Variants in NFX1 observed in about 807,000 individuals in gnomAD.
NFX1 encodes nuclear transcription factor, X-box binding 1.
NFX1 carries 69 observed loss-of-function variants against 137.2 expected under a neutral mutation model. That is an observed-to-expected ratio of 0.50 (90% confidence interval 0.41 to 0.61). The LOEUF (loss-of-function observed/expected upper bound fraction) is 0.61, where lower values mean the gene tolerates loss of function less well. Ranked by LOEUF, NFX1 falls within the 20% of genes least tolerant of loss-of-function variation. The pLI is 0.00. For synonymous variants in NFX1, 495 were observed against 474.1 expected (o/e 1.04, Z -0.57); for missense variants, 1,167 against 1,391.0 (o/e 0.84, Z 2.56).
Position 33,370,559 on chromosome 9 carries a change from T to C in NFX1, c.*581T>C, listed in dbSNP as rs1824297202. ...AAAACCTCTCATAGGTATATCTAGC[T>C]GAACTTATTTTGGCATTTTCAATGT... is the stretch of plus-strand genomic sequence containing the variant. On this transcript the variant is annotated 3_prime_UTR_variant, in exon 24 of 24. Coordinates refer to ENST00000379540, the MANE Select transcript of NFX1 (RefSeq NM_002504.6). The C allele has an allele frequency of 6.6e-6, 1 of 152,462 alleles. No homozygotes were observed. The highest frequency in any genetic ancestry group is 2.1e-4 in the South Asian group (1 of 4,844). 9.4% of individuals were successfully genotyped at this position (152,462 alleles called of 1,614,324 possible). A position where few individuals can be genotyped will look rare whatever the true frequency, so the allele number is the denominator to read the frequency against.
chr9:33,343,995 TTG>T (rs915898131), intron 13 of NFX1, 72 bp from the exon 14 acceptor site: 29 of 1,588,860 alleles, frequency 1.8e-5, no homozygotes, highest in Non-Finnish European at 2.4e-5. Flanking sequence ...ATGTGTGTGT[TTG>T]TGTGTGTTAG....
intron 3 of NFX1, among the ~76,000 whole-genome samples, chr9:33,302,461 A>C (rs1173497071): frequency 6.6e-6 from 1 of 150,750 alleles, no homozygotes; most frequent in African/African-American, 2.4e-5. Context: ...TCCTGGACTC[A>C]AATGATCCTC....
chr9:33,363,757 T>C (rs750356191), intron 19 of NFX1, among the ~76,000 whole-genome samples: 1 of 152,282 alleles, frequency 6.6e-6, no homozygotes, highest in Non-Finnish European at 1.5e-5. Context: ...CAAACTCCTC[T>C]TCCCCAAATA....
At position 33,294,661 on chromosome 9, in the gene NFX1, C is replaced by G. The variant is rs368867476; in HGVS notation, c.267C>G (p.Ser89=). ...AGAGTCAGCAGACGTCTTTCCAGTCCTCTCCTTGTAATAAATCGCCCAAGA... is the reference window on the plus strand; with the variant it reads ...AGAGTCAGCAGACGTCTTTCCAGTCGTCTCCTTGTAATAAATCGCCCAAGA... The part of the protein sequence containing the change: ...KPKSQQTSFQ[S]SPCNKSPKSH... The change falls in exon 2 of 24, where the codon TCC becomes TCG. Residue 89 remains serine (S), a synonymous_variant. Coordinates refer to ENST00000379540, the MANE Select transcript of NFX1 (RefSeq NM_002504.6). The G allele has an allele frequency of 8.1e-6, 13 of 1,614,058 alleles. No individual in the cohort carries two copies. In the African/African-American group the frequency reaches 1.7e-4, roughly 22 times the overall value.
intron 6 of NFX1, among the ~76,000 whole-genome samples, chr9:33,311,871 C>T (rs1821974901): frequency 6.6e-6 from 1 of 151,760 alleles, no homozygotes; most frequent in Non-Finnish European, 1.5e-5. Flanking sequence ...TTTTTTTTAA[C>T]CTCTCTAAGT....
chr9:33,348,711 T>G, intron 15 of NFX1: 1 of 974,042 alleles, frequency 1.0e-6, no homozygotes, highest in Non-Finnish European at 1.2e-6. Flanking sequence ...TGCAATAAAG[T>G]GAAGTCCAAT....
At position 33,306,547 on chromosome 9, in the gene NFX1, T is replaced by C. The variant is rs184252154; in HGVS notation, c.1271-647T>C. ...AGAGAGAAAAGCAGAGGCCATGGAC[T>C]GGGGATGGCTGCAATTTAGTGTGCA... On this transcript the variant is annotated intron_variant, in intron 4 of 23. Transcript: ENST00000379540. 1.8e-4 allele frequency among the ~76,000 whole-genome samples: 28 copies of C among 152,300 alleles called. No individual in the cohort carries two copies. The East Asian group carries it at 5.0e-3, about 27-fold the overall frequency.
chr9:33,313,937 G>A (rs1274281039), intron 7 of NFX1, 144 bp downstream of exon 7: 7 of 761,938 alleles, frequency 9.2e-6, no homozygotes, highest in Admixed American at 5.6e-5. Flanking sequence ...ATGCTTAGAC[G>A]GTTTTTATTA....
chr9:33,305,832 A>G lies in NFX1; in HGVS notation c.1271-1362A>G, dbSNP rs374600511. Among the ~76,000 whole-genome samples, 4 of 152,362 alleles carry G rather than the reference A, an allele frequency of 2.6e-5. No homozygotes were observed. In the East Asian group the frequency reaches 7.7e-4, roughly 29 times the overall value. On this transcript the variant is annotated intron_variant, in intron 4 of 23. Transcript: ENST00000379540. The stretch of plus-strand genomic sequence containing the variant: ...AGCTGGAGGAGTGAGCAGAACATAC[A>G]GTGAAATATGTCCAACAGGCAGGTA...
intron 4 of NFX1, among the ~76,000 whole-genome samples, chr9:33,306,658 T>C (rs1049479918): frequency 6.6e-6 from 1 of 152,220 alleles, no homozygotes; most frequent in Non-Finnish European, 1.5e-5. Context: ...GCTGAGTCCA[T>C]GGAAGATGTG....
At position 33,351,743 on chromosome 9, in the gene NFX1, C is replaced by T. The variant is rs1039799856; in HGVS notation, c.2608C>T (p.Pro870Ser). The change falls in exon 16 of 24, where the codon CCC (proline) becomes TCC (serine). Residue 870 changes from proline to serine, a missense_variant. Physicochemically the swap from Pro to Ser is moderately conservative, Grantham distance 74. Coordinates refer to ENST00000379540, the MANE Select transcript of NFX1 (RefSeq NM_002504.6). ...RADCGHPCMA[P>S]CHTSSPCPVT... ...TGACTGTGGTCACCCGTGTATGGCACCCTGCCATACCAGCTCACCCTGCCC... is the reference window on the plus strand; with the variant it reads ...TGACTGTGGTCACCCGTGTATGGCATCCTGCCATACCAGCTCACCCTGCCC... 3 of 1,608,570 alleles carry T rather than the reference C, an allele frequency of 1.9e-6. No individual in the cohort carries two copies. Among genetic ancestry groups the T allele is most frequent in the African/African-American group, 1.3e-5 (1 of 74,804 alleles).
At position 33,297,302 on chromosome 9, in the gene NFX1, C is replaced by G. The variant is rs183783991; in HGVS notation, c.1033+1875C>G. Among the ~76,000 whole-genome samples, 261 of 152,332 alleles carry G rather than the reference C, an allele frequency of 1.7e-3. 1 individual carries two copies. The highest frequency in any genetic ancestry group is 0.01 in the Middle Eastern group (3 of 294). ...CCCAACCCTTGAAGCCACCATCTAC[C>G]CAGGGCCTGTTTTTACACCAGCCTA... is the stretch of plus-strand genomic sequence containing the variant. On this transcript the variant is annotated intron_variant, in intron 2 of 23. Coordinates refer to ENST00000379540, the MANE Select transcript of NFX1 (RefSeq NM_002504.6).
intron 7 of NFX1, among the ~76,000 whole-genome samples, chr9:33,317,587 T>A (rs1444416467): frequency 1.3e-5 from 2 of 151,042 alleles, no homozygotes; most frequent in Non-Finnish European, 2.9e-5. Flanking sequence ...TCCCAGCACT[T>A]TGGGAGGTCG....
At chr9:33,340,514 G>C (rs1239156354) in intron 12 of NFX1, among the ~76,000 whole-genome samples, 1 of 152,214 alleles carries the variant, frequency 6.6e-6, no homozygotes, top group Non-Finnish European at 1.5e-5. Context: ...ATGTGCTCTG[G>C]AGACATTTTC....
intron 15 of NFX1, among the ~76,000 whole-genome samples, chr9:33,349,118 G>A (rs1276189209): frequency 5.3e-5 from 8 of 152,124 alleles, no homozygotes; most frequent in Non-Finnish European, 7.4e-5. Context: ...TCTTCGTACT[G>A]ATGGCTTATT....
intron 7 of NFX1, among the ~76,000 whole-genome samples, chr9:33,317,530 A>T (rs1232436505): frequency 6.7e-6 from 1 of 149,770 alleles, no homozygotes; most frequent in African/African-American, 2.5e-5. Context: ...AAATTCAGCT[A>T]ATTAAAAAAA....
chr9:33,296,052 G>A (rs574964222), intron 2 of NFX1, among the ~76,000 whole-genome samples: 4 of 152,238 alleles, frequency 2.6e-5, no homozygotes, highest in South Asian at 4.1e-4. Flanking sequence ...TCAGCCTCCC[G>A]AGTAGCTGGG....
chr9:33,356,379 GC>G (rs1394512337), intron 19 of NFX1, among the ~76,000 whole-genome samples: 3 of 151,710 alleles, frequency 2.0e-5, no homozygotes, highest in Non-Finnish European at 4.4e-5. Context: ...TCCTTTGTTG[GC>G]TCTATGTATA....
chr9:33,354,015 T>C, intron 17 of NFX1, 71 bp from the exon 18 acceptor site: 2 of 1,403,034 alleles, frequency 1.4e-6, no homozygotes, highest in Non-Finnish European at 1.9e-6. Flanking sequence ...AGAGGTCTTC[T>C]GTATCCCAAG....
Sources: allele counts gnomAD v4.1 joint callset (sites outside exome capture counted in the v4.1 genomes callset), GRCh38; gene constraint gnomAD v4.1.1; transcripts MANE v1.5; gene names NCBI Gene and HGNC (gene_info 2026-07-23, HGNC 2026-07-21).